The following FRMD6 variants were observed in gnomAD, a reference collection of about 807,000 sequenced individuals.
The protein encoded by FRMD6 is FERM domain-containing protein 6.
In FRMD6, 37 loss-of-function variants were observed where a neutral mutation model predicts 73.2. That is an observed-to-expected ratio of 0.51 (90% CI 0.39 to 0.66). FRMD6 has a LOEUF of 0.66. FRMD6 is among the 30% of genes least tolerant of loss of function. FRMD6 has a pLI of 0.00. For synonymous variants in FRMD6, 273 were observed against 282.2 expected (o/e 0.97, Z 0.33); for missense variants, 714 against 780.5 (o/e 0.91, Z 1.02).
intron 2 of FRMD6, among the ~76,000 whole-genome samples, chr14:51,615,565 A>C (rs922674385): frequency 6.6e-6 from 1 of 152,220 alleles, no homozygotes; most frequent in Admixed American, 6.5e-5. Flanking sequence ...GTTAGACCAC[A>C]TCATTCTGCC....
At chr14:51,508,560 G>A (rs1196674566) in intron 1 of FRMD6, among the ~76,000 whole-genome samples, 1 of 152,114 alleles carries the variant, frequency 6.6e-6, no homozygotes, top group African/African-American at 2.4e-5. Context: ...AAATATGGAG[G>A]AAACGTAAAA....
intron 2 of FRMD6, among the ~76,000 whole-genome samples, chr14:51,644,055 TC>T (rs1229393450): frequency 6.6e-6 from 1 of 152,042 alleles, no homozygotes; most frequent in Non-Finnish European, 1.5e-5. Flanking sequence ...AGGTAATCCT[TC>T]CCAAATTTGA....
At chr14:51,609,119 A>G (rs1274879288) in intron 2 of FRMD6, among the ~76,000 whole-genome samples, 1 of 152,114 alleles carries the variant, frequency 6.6e-6, no homozygotes, top group Non-Finnish European at 1.5e-5. Context: ...TAAAAGATGT[A>G]TAGGAATCAG....
chr14:51,562,961 C>T (rs550082289), intron 1 of FRMD6, among the ~76,000 whole-genome samples: 2 of 152,326 alleles, frequency 1.3e-5, no homozygotes, highest in South Asian at 2.1e-4. Flanking sequence ...TAGGGAGACT[C>T]ATGACCTGGG....
chr14:51,572,438 A>T (rs188733714), intron 2 of FRMD6, among the ~76,000 whole-genome samples: 1 of 152,268 alleles, frequency 6.6e-6, no homozygotes, highest in South Asian at 2.1e-4. Context: ...TCATTTTAGC[A>T]TAAGTTGAAA....
At chr14:51,477,323 T>C in the FRMD6 span, among the ~76,000 whole-genome samples, 2 of 152,218 alleles carry the variant, frequency 1.3e-5, no homozygotes, top group East Asian at 1.9e-4. Context: ...AAGAATTCCA[T>C]GTTCACCCAA....
At chr14:51,721,699 GAA>G in intron 11 of FRMD6, among the ~76,000 whole-genome samples, 1 of 57,588 alleles carries the variant, frequency 1.7e-5, no homozygotes, top group Non-Finnish European at 4.6e-5. Flanking sequence ...TCCCAGGAAG[GAA>G]GGAAGGAAGG....
intron 1 of FRMD6, among the ~76,000 whole-genome samples, chr14:51,563,391 C>T (rs373949033): frequency 3.9e-5 from 6 of 152,238 alleles, no homozygotes; most frequent in Middle Eastern, 3.4e-3. Flanking sequence ...CTACTGTGGC[C>T]GGGCGTGGTG....
At chr14:51,530,015 C>T (rs1354742149) in intron 1 of FRMD6, among the ~76,000 whole-genome samples, 4 of 152,208 alleles carry the variant, frequency 2.6e-5, no homozygotes, top group Non-Finnish European at 5.9e-5. Context: ...CCAGCTCCTA[C>T]AAGCTCATGA....
At chr14:51,423,198 T>C in the FRMD6 span, among the ~76,000 whole-genome samples, 4 of 152,220 alleles carry the variant, frequency 2.6e-5, no homozygotes, top group African/African-American at 9.6e-5. Context: ...ATGGTCACTT[T>C]ATAAGATCAA....
the FRMD6 span, among the ~76,000 whole-genome samples, chr14:51,456,399 G>T: frequency 3.3e-5 from 5 of 151,796 alleles, no homozygotes; most frequent in African/African-American, 1.2e-4. Flanking sequence ...AGAACATATG[G>T]TGTTTGGTTT....
chr14:51,666,515 G>A (rs7146815), intron 1 of FRMD6, among the ~76,000 whole-genome samples: 20,747 of 152,132 alleles, frequency 0.14, 1,539 homozygotes, highest in Non-Finnish European at 0.16. Context: ...GTGAGACTTC[G>A]GGGCAGTCTG....
chr14:51,403,982 C>A, the FRMD6 span, among the ~76,000 whole-genome samples: 2 of 152,166 alleles, frequency 1.3e-5, no homozygotes, highest in Non-Finnish European at 2.9e-5. Context: ...TTAGAAAGTG[C>A]CAAATTATTT....
chr14:51,618,485 T>C (rs1260537036), intron 2 of FRMD6, among the ~76,000 whole-genome samples: 1 of 152,196 alleles, frequency 6.6e-6, no homozygotes, highest in Non-Finnish European at 1.5e-5. Flanking sequence ...CGAGACCTGT[T>C]GCGAGACTAC....
intron 2 of FRMD6, among the ~76,000 whole-genome samples, chr14:51,621,377 G>A (rs1890920094): frequency 6.6e-6 from 1 of 152,160 alleles, no homozygotes; most frequent in African/African-American, 2.4e-5. Flanking sequence ...CTCTTATAGT[G>A]ATGAACTGAC....
At chr14:51,438,257 A>G in the FRMD6 span, among the ~76,000 whole-genome samples, 3 of 152,206 alleles carry the variant, frequency 2.0e-5, no homozygotes, top group Admixed American at 6.5e-5. Flanking sequence ...GAGCCCTGCC[A>G]CTCAATGGGA....
In FRMD6 at chr14:51,702,539, A is replaced by G. The variant is rs1003921660; in HGVS notation, c.322A>G (p.Ile108Val). Residue 108 changes from isoleucine to valine, a missense_variant, in exon 5 of 14, where the codon ATC becomes GTC. Transcript: ENST00000344768. ...TATCGACCAATTTGGGCCTCCTATG[A>G]TCATCCACTTCCGTGTGCAGTACTA... ...WGIDQFGPPM[I>V]IHFRVQYYVE... is the part of the protein sequence containing the mutation. 6.8e-6 allele frequency: 11 copies of G among 1,611,884 alleles called. No individual in the cohort carries two copies. The highest frequency in any genetic ancestry group is 1.7e-5 in the Admixed American group (1 of 59,910).
the FRMD6 span, among the ~76,000 whole-genome samples, chr14:51,400,443 C>T: frequency 6.6e-6 from 1 of 152,152 alleles, no homozygotes; most frequent in Admixed American, 6.5e-5. Flanking sequence ...CACAGAGTCT[C>T]CTGCATCATT....
At chr14:51,657,936 CAG>C (rs1302632523) in intron 1 of FRMD6, among the ~76,000 whole-genome samples, 4 of 152,190 alleles carry the variant, frequency 2.6e-5, no homozygotes, top group African/African-American at 7.2e-5. Flanking sequence ...ATGATTCATA[CAG>C]AGTCTCACAG....
Sources: gnomAD v4.1 joint callset for allele counts (sites outside exome capture counted in the v4.1 genomes callset) on GRCh38, gnomAD v4.1.1 for gene constraint, MANE v1.5 for transcripts, NCBI Gene and HGNC (gene_info 2026-07-23, HGNC 2026-07-21) for gene names.